Variants in TMEM177 observed in about 807,000 individuals in gnomAD.
TMEM177 encodes the protein transmembrane protein 177.
In TMEM177, 4 loss-of-function variants were observed where a neutral mutation model predicts 14.2. The observed-to-expected ratio is 0.28, with a 90% CI of 0.14 to 0.64. The LOEUF is 0.64. TMEM177 is among the 30% of genes least tolerant of loss of function. The pLI, the probability that TMEM177 is intolerant of heterozygous loss-of-function variation, is 0.82. For synonymous variants in TMEM177, 179 were observed against 174.5 expected, an observed-to-expected ratio of 1.03 and a Z score of -0.20; for missense variants, 344 against 405.2, an observed-to-expected ratio of 0.85 and a Z score of 1.30.
chr2:119,718,378 G>A, the TMEM177 span, among the ~76,000 whole-genome samples: 2 of 152,280 alleles, frequency 1.3e-5, no homozygotes, highest in South Asian at 2.1e-4. Flanking sequence ...CTCTTTAAAT[G>A]GGGACTGGGG....
Position 119,681,408 on chromosome 2 carries a change from G to T in TMEM177, c.555G>T (p.Val185=). The T allele has an allele frequency of 6.2e-7, 1 of 1,613,940 alleles. No homozygotes were observed. The highest frequency in any genetic ancestry group is 8.5e-7 in the Non-Finnish European group (1 of 1,179,930). Residue 185 remains valine (V), a synonymous_variant, in exon 2 of 2, where the codon GTG becomes GTT. Transcript: ENST00000272521. ...ACLAGTWALG[V]GAKYTLGLHA... Reference sequence around the variant, plus strand: ...TGGCAGGGACCTGGGCACTGGGCGTGGGTGCCAAGTACACCCTGGGGCTCC... The same window carrying T: ...TGGCAGGGACCTGGGCACTGGGCGTTGGTGCCAAGTACACCCTGGGGCTCC...
chr2:119,693,657 C>G, the TMEM177 span, among the ~76,000 whole-genome samples: 1 of 152,144 alleles, frequency 6.6e-6, no homozygotes, highest in African/African-American at 2.4e-5. Flanking sequence ...CTGACATTCT[C>G]TAAATACCTG....
At chr2:119,719,467 T>A in the TMEM177 span, among the ~76,000 whole-genome samples, 1 of 152,196 alleles carries the variant, frequency 6.6e-6, no homozygotes, top group African/African-American at 2.4e-5. Flanking sequence ...GCGTGGGTGC[T>A]GCCCCGGCCT....
At chr2:119,693,910 T>TC in the TMEM177 span, among the ~76,000 whole-genome samples, 1 of 4,888 alleles carries the variant, frequency 2.0e-4, no homozygotes, top group Non-Finnish European at 4.7e-4. Flanking sequence ...ACACATCACA[T>TC]ACACATCACA....
chr2:119,705,914 A>G, the TMEM177 span, among the ~76,000 whole-genome samples: 1 of 150,446 alleles, frequency 6.6e-6, no homozygotes, highest in Non-Finnish European at 1.5e-5. Flanking sequence ...CATTTTTACC[A>G]TGACATTCAG....
chr2:119,693,627 T>C, the TMEM177 span, among the ~76,000 whole-genome samples: 1 of 152,128 alleles, frequency 6.6e-6, no homozygotes, highest in Non-Finnish European at 1.5e-5. Context: ...TCACTACTTT[T>C]AGGGAAGCCA....
chr2:119,708,641 G>A, the TMEM177 span, among the ~76,000 whole-genome samples: 3 of 111,222 alleles, frequency 2.7e-5, no homozygotes, highest in East Asian at 7.1e-4. Context: ...ACAATCACAC[G>A]CAGACACACA....
At chr2:119,717,008 C>A in the TMEM177 span, among the ~76,000 whole-genome samples, 9 of 152,232 alleles carry the variant, frequency 5.9e-5, no homozygotes, top group East Asian at 1.7e-3. Context: ...TCTCCCCCCA[C>A]CCCTTTTTCT....
downstream of TMEM177, among the ~76,000 whole-genome samples, chr2:119,684,854 A>AT (rs1286771481): frequency 1.3e-5 from 2 of 152,034 alleles, no homozygotes; most frequent in East Asian, 1.9e-4. Flanking sequence ...CTTTAGGAAG[A>AT]TTTTTTTATA....
chr2:119,701,892 G>A, the TMEM177 span, among the ~76,000 whole-genome samples: 3 of 152,196 alleles, frequency 2.0e-5, no homozygotes, highest in Non-Finnish European at 4.4e-5. Flanking sequence ...TTCTGTTCCT[G>A]GGTGGGACAG....
chr2:119,717,621 T>G, the TMEM177 span, among the ~76,000 whole-genome samples: 1 of 148,450 alleles, frequency 6.7e-6, no homozygotes, highest in Admixed American at 6.7e-5. Context: ...TTTTTTTTTT[T>G]TTTTTGAGAC....
the TMEM177 span, among the ~76,000 whole-genome samples, chr2:119,694,156 G>A: frequency 1.9e-5 from 1 of 51,468 alleles, no homozygotes; most frequent in African/African-American, 7.6e-5. Flanking sequence ...CCACACACAT[G>A]CAACGTGCCA....
At chr2:119,697,864 G>T in the TMEM177 span, among the ~76,000 whole-genome samples, 1 of 152,226 alleles carries the variant, frequency 6.6e-6, no homozygotes, top group African/African-American at 2.4e-5. Flanking sequence ...AGTATGCACA[G>T]GAGCCATACA....
At chr2:119,699,712 G>A in the TMEM177 span, 1 of 170,922 alleles carries the variant, frequency 5.9e-6, no homozygotes, top group African/African-American at 2.4e-5. Flanking sequence ...CCAACACATG[G>A]GGATTACAAT....
At chr2:119,683,894 G>A (rs918504785), downstream of TMEM177, among the ~76,000 whole-genome samples, 3 of 151,956 alleles carry the variant, frequency 2.0e-5, no homozygotes, top group African/African-American at 4.8e-5. Context: ...GCTGAGCTCC[G>A]TGTCCCTTCT....
the TMEM177 span, among the ~76,000 whole-genome samples, chr2:119,708,644 G>GACACACACACACACACAC: frequency 6.8e-6 from 1 of 146,730 alleles, no homozygotes; most frequent in South Asian, 2.2e-4. Context: ...ATCACACGCA[G>GACACACACACACACACAC]ACACACACAC....
chr2:119,714,576 T>C, the TMEM177 span, among the ~76,000 whole-genome samples: 1 of 152,238 alleles, frequency 6.6e-6, no homozygotes, highest in African/African-American at 2.4e-5. Context: ...GGAGATGTTA[T>C]CATGGGATGC....
the TMEM177 span, among the ~76,000 whole-genome samples, chr2:119,709,542 C>T: frequency 2.0e-5 from 3 of 152,152 alleles, no homozygotes; most frequent in South Asian, 4.1e-4. Flanking sequence ...AAATATTAGG[C>T]TGGGCACAGT....
At chr2:119,704,832 T>C in the TMEM177 span, among the ~76,000 whole-genome samples, 1 of 152,244 alleles carries the variant, frequency 6.6e-6, no homozygotes, top group Non-Finnish European at 1.5e-5. Flanking sequence ...AAAATGGTTA[T>C]ATTAATCCAT....
Sources: allele counts gnomAD v4.1 joint callset (sites outside exome capture counted in the v4.1 genomes callset), GRCh38; gene constraint gnomAD v4.1.1; transcripts MANE v1.5; gene names NCBI Gene and HGNC (gene_info 2026-07-23, HGNC 2026-07-21).